CC2D2B: variants seen among roughly 807,000 people sequenced by gnomAD.
CC2D2B encodes the protein coiled-coil and C2 domain containing 2B.
In CC2D2B, 128 loss-of-function variants were observed where a neutral mutation model predicts 161.2. That is an observed-to-expected ratio of 0.79 (90% CI 0.69 to 0.92). CC2D2B has a LOEUF of 0.92. Among genes scored for constraint, CC2D2B ranks in the 40% least tolerant of loss-of-function variants. The pLI is 0.00. For synonymous variants in CC2D2B, 391 were observed against 449.8 expected (o/e 0.87, Z 1.65); for missense variants, 1,173 against 1,375.1 (o/e 0.85, Z 2.32).
intron 9 of CC2D2B, among the ~76,000 whole-genome samples, chr10:95,942,127 A>G (rs897239613): frequency 2.8e-4 from 42 of 152,176 alleles, no homozygotes; most frequent in African/African-American, 9.9e-4. Context: ...TCAGCTTCAC[A>G]GAAGCAGAAG....
intron 6 of CC2D2B, among the ~76,000 whole-genome samples, chr10:95,928,346 G>A (rs566532747): frequency 6.6e-6 from 1 of 152,196 alleles, no homozygotes; most frequent in East Asian, 1.9e-4. Flanking sequence ...ACTGCCCTAA[G>A]ATAGTCACTA....
intron 25 of CC2D2B, among the ~76,000 whole-genome samples, chr10:96,007,787 T>C (rs2078816574): frequency 6.6e-6 from 1 of 152,076 alleles, no homozygotes; most frequent in African/African-American, 2.4e-5. Flanking sequence ...AAAATATAAG[T>C]GGCCAAAAGT....
chr10:95,917,469 C>T (rs2098518547), intron 2 of CC2D2B, among the ~76,000 whole-genome samples: 1 of 152,046 alleles, frequency 6.6e-6, no homozygotes, highest in Non-Finnish European at 1.5e-5. Context: ...ATCCGTCCGT[C>T]CATCCGTCCG....
intron 1 of CC2D2B, among the ~76,000 whole-genome samples, chr10:95,909,045 C>G (rs10786242): frequency 0.6 from 88,660 of 147,116 alleles, 26,519 homozygotes; most frequent in Admixed American, 0.68. Context: ...AACTGGTCCT[C>G]AGAGCAGTGG....
At chr10:95,916,316 G>T (rs1331674066) in intron 2 of CC2D2B, among the ~76,000 whole-genome samples, 1 of 151,796 alleles carries the variant, frequency 6.6e-6, no homozygotes. Context: ...TCTGGCTAAT[G>T]ATTTGTCAAT....
At chr10:95,950,292 A>G (rs1261577368) in intron 10 of CC2D2B, among the ~76,000 whole-genome samples, 187 bp downstream of exon 10, 2 of 152,218 alleles carry the variant, frequency 1.3e-5, no homozygotes, top group African/African-American at 4.8e-5. Flanking sequence ...ATCCTATGGG[A>G]TATTTATTTA....
chr10:95,972,722 T>G (rs1478886817), intron 16 of CC2D2B, among the ~76,000 whole-genome samples: 1 of 152,222 alleles, frequency 6.6e-6, no homozygotes, highest in Non-Finnish European at 1.5e-5. Flanking sequence ...AATGAGCAGT[T>G]AGCACCCACG....
At chr10:96,029,224 A>G (rs1462397931) in intron 34 of CC2D2B, among the ~76,000 whole-genome samples, 1 of 129,956 alleles carries the variant, frequency 7.7e-6, no homozygotes, top group African/African-American at 2.7e-5. Flanking sequence ...CCCATATCAA[A>G]ATATCTTTTC....
In CC2D2B at chr10:95,924,834, A is replaced by G; in HGVS notation, c.230A>G (p.Gln77Arg). Residue 77 changes from glutamine (Q) to arginine (R), a missense_variant, in exon 5 of 35, where the codon CAA becomes CGA. Transcript: ENST00000646931. The part of the protein sequence containing the change: ...TEQLIDSEIH[Q>R]RSKLSPQTEV... Reference sequence around the variant, plus strand: ...CAGCTCATTGATAGCGAAATACATCAAAGGTCCAAGGTGAATAACTTTTCT... The same window carrying G: ...CAGCTCATTGATAGCGAAATACATCGAAGGTCCAAGGTGAATAACTTTTCT... The G allele has an allele frequency of 6.5e-7, 1 of 1,545,252 alleles. No homozygotes were observed. Among genetic ancestry groups the G allele is most frequent in the African/African-American group, 1.4e-5 (1 of 73,048 alleles).
At chr10:95,924,539 A>ATT (rs1554828308) in intron 4 of CC2D2B, 149 bp downstream of exon 4, 4 of 589,656 alleles carry the variant, frequency 6.8e-6, no homozygotes, top group Non-Finnish European at 9.0e-6. Flanking sequence ...CTATATATAT[A>ATT]TTTTCCTTTT....
At chr10:95,983,503 C>G in intron 18 of CC2D2B, 103 bp from the exon 19 acceptor site, 1 of 450,104 alleles carries the variant, frequency 2.2e-6, no homozygotes, top group Non-Finnish European at 3.6e-6. Flanking sequence ...CCATTTCCTA[C>G]TTATATTGCC....
At chr10:95,926,842 G>C (rs527918242) in intron 5 of CC2D2B, among the ~76,000 whole-genome samples, 10,883 of 142,170 alleles carry the variant, frequency 0.077, 449 homozygotes, top group Middle Eastern at 0.15. Context: ...GTGTGTGTGT[G>C]TGTGTCTGTG....
chr10:95,940,632 C>T (rs1187923715), intron 9 of CC2D2B, among the ~76,000 whole-genome samples: 3 of 152,052 alleles, frequency 2.0e-5, no homozygotes, highest in Non-Finnish European at 2.9e-5. Context: ...TGACTTAGTA[C>T]CATTTATTGA....
intron 24 of CC2D2B, chr10:96,000,047 A>G: frequency 2.7e-6 from 4 of 1,455,054 alleles, no homozygotes; most frequent in Non-Finnish European, 3.7e-6. Context: ...ATGTTGGGTA[A>G]CATTGTAGAC....
chr10:96,025,569 T>C (rs2079735888), intron 33 of CC2D2B, among the ~76,000 whole-genome samples: 1 of 152,040 alleles, frequency 6.6e-6, no homozygotes, highest in Non-Finnish European at 1.5e-5. Flanking sequence ...CAACACTTCT[T>C]GAAAGGACAT....
chr10:95,924,845 G>C lies in CC2D2B; in HGVS notation c.240+1G>C. 6.5e-7 allele frequency: 1 copy of C among 1,539,910 alleles called. No individual in the cohort carries two copies. The highest frequency in any genetic ancestry group is 8.8e-7 in the Non-Finnish European group (1 of 1,137,228). ...TAGCGAAATACATCAAAGGTCCAAG[G>C]TGAATAACTTTTCTCTTTTTTTACT... is the stretch of plus-strand genomic sequence containing the variant. On this transcript the variant is annotated splice_donor_variant, in intron 5 of 34. Coordinates refer to ENST00000646931, the MANE Select transcript of CC2D2B (RefSeq NM_001349008.3). LOFTEE classifies it high-confidence loss of function.
chr10:95,962,793 C>T (rs188930418), intron 12 of CC2D2B, among the ~76,000 whole-genome samples: 3 of 137,090 alleles, frequency 2.2e-5, no homozygotes, highest in Admixed American at 7.7e-5. Context: ...AACAAAAGTG[C>T]TCTGGACGGT....
intron 11 of CC2D2B, among the ~76,000 whole-genome samples, chr10:95,957,553 ATTTTTTTTTTTTTTTT>A (rs869263327): frequency 2.4e-5 from 2 of 83,736 alleles, no homozygotes; most frequent in Non-Finnish European, 4.4e-5. Context: ...GCTGACAATG[ATTTTTTTTTTTTTTTT>A]TTTTTTTTTG....
chr10:95,926,884 G>A (rs1305166352), intron 5 of CC2D2B, among the ~76,000 whole-genome samples: 1 of 151,216 alleles, frequency 6.6e-6, no homozygotes, highest in Non-Finnish European at 1.5e-5. Context: ...GCGCGCGCCT[G>A]AACAGGACAG....
Sources: gnomAD v4.1 joint callset for allele counts (sites outside exome capture counted in the v4.1 genomes callset) on GRCh38, gnomAD v4.1.1 for gene constraint, MANE v1.5 for transcripts, NCBI Gene and HGNC (gene_info 2026-07-23, HGNC 2026-07-21) for gene names.